PDE4D: variants seen among roughly 807,000 people sequenced by gnomAD.
PDE4D encodes 3',5'-cyclic-AMP phosphodiesterase 4D.
Under a neutral mutation model 87.4 loss-of-function variants are expected in PDE4D, and 24 were observed. That is an observed-to-expected ratio of 0.27 (90% CI 0.20 to 0.39). The LOEUF (loss-of-function observed/expected upper bound fraction) is 0.39. Among genes scored for constraint, PDE4D ranks in the 10% least tolerant of loss-of-function variants. PDE4D has a pLI of 1.00. For synonymous variants in PDE4D, 384 were observed against 383.2 expected, an observed-to-expected ratio of 1.00 and a Z score of -0.02; for missense variants, 714 against 1,041.0, an observed-to-expected ratio of 0.69 and a Z score of 4.32.
At chr5:59,425,284 C>T (rs1314350257) in intron 1 of PDE4D, among the ~76,000 whole-genome samples, 1 of 152,118 alleles carries the variant, frequency 6.6e-6, no homozygotes, top group Non-Finnish European at 1.5e-5. Context: ...AAATAAAGGT[C>T]TTAAAAAAGC....
chr5:59,211,556 T>C (rs902222416), intron 2 of PDE4D, among the ~76,000 whole-genome samples: 1 of 152,152 alleles, frequency 6.6e-6, no homozygotes, highest in African/African-American at 2.4e-5. Flanking sequence ...TACAATGGCA[T>C]TATCAAATTA....
At chr5:59,998,334 C>T (rs566209567) in intron 2 of PDE4D, among the ~76,000 whole-genome samples, 1 of 152,130 alleles carries the variant, frequency 6.6e-6, no homozygotes, top group East Asian at 1.9e-4. Context: ...ATGTAGGAAA[C>T]CCAGAAAAAT....
intron 1 of PDE4D, among the ~76,000 whole-genome samples, chr5:59,310,407 A>G (rs1231237880): frequency 6.6e-6 from 1 of 152,090 alleles, no homozygotes; most frequent in Non-Finnish European, 1.5e-5. Flanking sequence ...ATTTCCTATC[A>G]TGAATTTTTA....
intron 1 of PDE4D, among the ~76,000 whole-genome samples, chr5:60,413,866 C>T (rs1046601385): frequency 6.6e-6 from 1 of 152,134 alleles, no homozygotes; most frequent in Admixed American, 6.5e-5. Context: ...TTATAAGCAT[C>T]TCCTAACCCA....
intron 3 of PDE4D, among the ~76,000 whole-genome samples, chr5:59,939,125 A>G (rs944539631): frequency 1.1e-4 from 17 of 152,328 alleles, no homozygotes; most frequent in African/African-American, 4.1e-4. Flanking sequence ...TCTGTAATAA[A>G]GATGAGGTAG....
At chr5:59,350,349 A>G (rs1043916247) in intron 1 of PDE4D, among the ~76,000 whole-genome samples, 10 of 152,156 alleles carry the variant, frequency 6.6e-5, no homozygotes, top group African/African-American at 1.9e-4. Flanking sequence ...TTTTCACAGA[A>G]GCACACAGAG....
chr5:59,797,691 C>T lies in PDE4D; in HGVS notation c.455+95477G>A, dbSNP rs139266555. Reference sequence around the variant, plus strand: ...TCACTAGAACTCCACTATGCAGGCACCCCGATCTCACACTGCCAGCCTCCA... The same window carrying T: ...TCACTAGAACTCCACTATGCAGGCATCCCGATCTCACACTGCCAGCCTCCA... On this transcript the variant is annotated intron_variant, in intron 1 of 14. Coordinates refer to ENST00000340635, the MANE Select transcript of PDE4D (RefSeq NM_001104631.2). Among the ~76,000 whole-genome samples, 537 of 152,132 alleles carry T rather than the reference C, an allele frequency of 3.5e-3. 3 individuals are homozygous for T. The highest frequency in any genetic ancestry group is 0.012 in the African/African-American group (515 of 41,496).
intron 1 of PDE4D, among the ~76,000 whole-genome samples, chr5:60,302,170 G>C (rs1025244904): frequency 6.6e-6 from 1 of 152,170 alleles, no homozygotes; most frequent in Non-Finnish European, 1.5e-5. Flanking sequence ...TTTGGTATCA[G>C]GATGATGCTG....
intron 1 of PDE4D, among the ~76,000 whole-genome samples, chr5:59,579,679 G>A (rs1823752586): frequency 6.6e-6 from 1 of 152,182 alleles, no homozygotes; most frequent in Non-Finnish European, 1.5e-5. Flanking sequence ...CGCAGAGATG[G>A]TGAATAGAGC....
chr5:60,328,002 C>G (rs1756956489), intron 1 of PDE4D, among the ~76,000 whole-genome samples: 2 of 152,126 alleles, frequency 1.3e-5, no homozygotes, highest in African/African-American at 4.8e-5. Flanking sequence ...GAATTATGAT[C>G]ATGACAATGA....
At chr5:59,282,729 G>C (rs1245465696) in intron 1 of PDE4D, among the ~76,000 whole-genome samples, 1 of 148,892 alleles carries the variant, frequency 6.7e-6, no homozygotes, top group African/African-American at 2.5e-5. Context: ...TAATAATTTA[G>C]TTTCTGATGT....
chr5:59,124,916 TG>T (rs1446994734), intron 5 of PDE4D, among the ~76,000 whole-genome samples: 1 of 152,194 alleles, frequency 6.6e-6, no homozygotes, highest in Non-Finnish European at 1.5e-5. Flanking sequence ...TGTTAATGTT[TG>T]TTTGTTCTAG....
intron 1 of PDE4D, among the ~76,000 whole-genome samples, chr5:60,408,746 C>A (rs910697632): frequency 6.6e-6 from 1 of 152,172 alleles, no homozygotes; most frequent in African/African-American, 2.4e-5. Context: ...TGCTAGCCCA[C>A]TCTACCACCA....
At position 58,977,349 on chromosome 5, in the gene PDE4D, T is replaced by TA; in HGVS notation, c.1553-5dup. On this transcript the variant is annotated splice_region_variant and splice_polypyrimidine_tract_variant and intron_variant, in intron 11 of 14. Transcript: ENST00000340635. The stretch of plus-strand genomic sequence containing the variant: ...TACATCAAGGCAAGTTCAGAGTCTG[T>TA]AAAAAAGACAAAAGGCCAAAGATCA... The TA allele has an allele frequency of 1.9e-6, 3 of 1,600,090 alleles. No individual in the cohort carries two copies. The highest frequency in any genetic ancestry group is 2.5e-6 in the Non-Finnish European group (3 of 1,176,788).
chr5:59,252,688 AT>A (rs1260595995), intron 1 of PDE4D, among the ~76,000 whole-genome samples: 1 of 151,898 alleles, frequency 6.6e-6, no homozygotes, highest in African/African-American at 2.4e-5. Flanking sequence ...CGCCTGGAGA[AT>A]TTTTAAAAAT....
intron 2 of PDE4D, among the ~76,000 whole-genome samples, chr5:60,122,303 AGGCTC>A (rs1285541557): frequency 6.6e-6 from 1 of 152,142 alleles, no homozygotes; most frequent in African/African-American, 2.4e-5. Context: ...CTCTGTGTGG[AGGCTC>A]CAACCCCACA....
intron 2 of PDE4D, among the ~76,000 whole-genome samples, chr5:60,148,452 G>C (rs2961898): frequency 0.15 from 22,286 of 152,102 alleles, 1,701 homozygotes; most frequent in Middle Eastern, 0.22. Flanking sequence ...AAGAATATAG[G>C]TTAAATATTA....
intron 2 of PDE4D, among the ~76,000 whole-genome samples, chr5:60,179,532 A>C (rs1233103997): frequency 1.3e-5 from 2 of 151,870 alleles, no homozygotes; most frequent in Non-Finnish European, 2.9e-5. Context: ...TGTTTTTCTC[A>C]TTTTACCCTT....
At chr5:59,138,737 A>C (rs978386183) in intron 5 of PDE4D, among the ~76,000 whole-genome samples, 3 of 152,102 alleles carry the variant, frequency 2.0e-5, no homozygotes, top group African/African-American at 7.2e-5. Context: ...TCAGTCATTT[A>C]ACCAATATTT....
Sources: gnomAD v4.1 joint callset for allele counts (sites outside exome capture counted in the v4.1 genomes callset) on GRCh38, gnomAD v4.1.1 for gene constraint, MANE v1.5 for transcripts, NCBI Gene and HGNC (gene_info 2026-07-23, HGNC 2026-07-21) for gene names.